The following SUGCT variants were observed in gnomAD, a reference collection of about 807,000 sequenced individuals.
SUGCT encodes succinyl-CoA:glutarate-CoA transferase, also known as succinyl-CoA:glutarate CoA-transferase.
Under a neutral mutation model 55.0 loss-of-function variants are expected in SUGCT, and 41 were observed. The observed-to-expected ratio is 0.74, with a 90% CI of 0.58 to 0.97. SUGCT has a LOEUF of 0.97. SUGCT is among the 50% of genes least tolerant of loss of function. SUGCT has a pLI of 0.00. For synonymous variants in SUGCT, 187 were observed against 200.4 expected (o/e 0.93, Z 0.56); for missense variants, 568 against 547.8 (o/e 1.04, Z -0.37).
At chr7:40,841,925 A>G (rs1311029835) in intron 13 of SUGCT, among the ~76,000 whole-genome samples, 1 of 152,200 alleles carries the variant, frequency 6.6e-6, no homozygotes, top group African/African-American at 2.4e-5. Flanking sequence ...CAGATCCACA[A>G]TGAAACTGTG....
At chr7:40,248,898 A>G (rs1790103446) in intron 7 of SUGCT, among the ~76,000 whole-genome samples, 1 of 125,472 alleles carries the variant, frequency 8.0e-6, no homozygotes, top group South Asian at 2.7e-4. Flanking sequence ...GCACACACAC[A>G]CACACACACA....
At chr7:40,987,639 G>C in the SUGCT span, among the ~76,000 whole-genome samples, 1 of 152,166 alleles carries the variant, frequency 6.6e-6, no homozygotes, top group Non-Finnish European at 1.5e-5. Flanking sequence ...TTTAAGGTTA[G>C]TTATAATTTG....
chr7:40,682,047 T>C (rs1784271116), intron 12 of SUGCT, among the ~76,000 whole-genome samples: 1 of 152,198 alleles, frequency 6.6e-6, no homozygotes, highest in African/African-American at 2.4e-5. Flanking sequence ...GCTGTTGTTT[T>C]AGACTACTAT....
At chr7:40,271,924 A>T (rs1308508550) in intron 7 of SUGCT, among the ~76,000 whole-genome samples, 1 of 151,548 alleles carries the variant, frequency 6.6e-6, no homozygotes, top group African/African-American at 2.4e-5. Flanking sequence ...GAGTCAGAAT[A>T]TGTGATATTT....
At chr7:40,991,904 G>A in the SUGCT span, among the ~76,000 whole-genome samples, 1 of 151,994 alleles carries the variant, frequency 6.6e-6, no homozygotes, top group Admixed American at 6.6e-5. Flanking sequence ...CAAGAACAGT[G>A]GTGAGGGGAA....
chr7:40,887,805 T>G, the SUGCT span, among the ~76,000 whole-genome samples: 5,165 of 152,138 alleles, frequency 0.034, 280 homozygotes, highest in African/African-American at 0.12. Context: ...ATTTTGTGTT[T>G]GGGAGGAGAA....
At chr7:40,602,957 A>G (rs551415805) in intron 12 of SUGCT, among the ~76,000 whole-genome samples, 7 of 152,280 alleles carry the variant, frequency 4.6e-5, no homozygotes, top group Admixed American at 3.9e-4. Flanking sequence ...TCAGAACTGC[A>G]GTAGTGATGG....
At chr7:40,138,618 G>C (rs777665451) in intron 1 of SUGCT, among the ~76,000 whole-genome samples, 1 of 151,906 alleles carries the variant, frequency 6.6e-6, no homozygotes, top group South Asian at 2.1e-4. Flanking sequence ...CACCAACAGT[G>C]TATAAGAAGA....
chr7:40,616,161 C>A (rs534812778), intron 12 of SUGCT, among the ~76,000 whole-genome samples: 14 of 151,872 alleles, frequency 9.2e-5, no homozygotes, highest in Non-Finnish European at 2.1e-4. Flanking sequence ...CTTCTTTATT[C>A]TTTGAAGAAA....
chr7:40,135,101 G>A lies in SUGCT; in HGVS notation c.81G>A (p.Trp27Ter), dbSNP rs1787605592. ...FSGRGGGRGLWTGRPQSDMNN... is the reference protein window; with the variant it reads ...FSGRGGGRGL Reference sequence around the variant, plus strand: ...GCCGGGGCGGCGGGAGGGGGCTGTGGACTGGCCGCCCGCAGTCAGGTACCC... The same window carrying A: ...GCCGGGGCGGCGGGAGGGGGCTGTGAACTGGCCGCCCGCAGTCAGGTACCC... The change falls in exon 1 of 14, where the codon TGG (tryptophan) becomes TGA (stop). Residue 27 changes from tryptophan to a stop codon, truncating the protein, a stop_gained. Coordinates refer to ENST00000335693, the MANE Select transcript of SUGCT (RefSeq NM_001193313.2). LOFTEE classifies it high-confidence loss of function. 6 of 1,557,242 alleles carry A rather than the reference G, an allele frequency of 3.9e-6. No homozygotes were observed. The South Asian group carries it at 5.9e-5, about 15-fold the overall frequency.
At chr7:40,457,973 A>G (rs780835544) in intron 10 of SUGCT, among the ~76,000 whole-genome samples, 2 of 152,136 alleles carry the variant, frequency 1.3e-5, no homozygotes, top group Non-Finnish European at 2.9e-5. Context: ...AGGGTGCTGT[A>G]TGTGGTGTTG....
At chr7:40,234,331 G>C (rs746995168) in intron 6 of SUGCT, among the ~76,000 whole-genome samples, 6 of 152,154 alleles carry the variant, frequency 3.9e-5, no homozygotes, top group Non-Finnish European at 8.8e-5. Context: ...TTTTGTGCTG[G>C]GGACTACCAG....
chr7:40,297,328 CT>C (rs909821785), intron 8 of SUGCT, among the ~76,000 whole-genome samples: 56 of 148,360 alleles, frequency 3.8e-4, no homozygotes, highest in Middle Eastern at 3.4e-3. Context: ...TTTGCTACTA[CT>C]TTTTTTTTTT....
the SUGCT span, among the ~76,000 whole-genome samples, chr7:41,013,542 G>C: frequency 6.6e-6 from 1 of 152,108 alleles, no homozygotes; most frequent in Non-Finnish European, 1.5e-5. Context: ...AGTGGTGTCC[G>C]TGGGTTCGTT....
intron 12 of SUGCT, among the ~76,000 whole-genome samples, chr7:40,517,256 G>T: frequency 1.3e-5 from 2 of 149,250 alleles, no homozygotes; most frequent in African/African-American, 2.5e-5. Flanking sequence ...GAATTCCTTA[G>T]GATTTTTTAA....
the SUGCT span, among the ~76,000 whole-genome samples, chr7:40,904,519 C>T: frequency 3.1e-4 from 47 of 152,154 alleles, no homozygotes; most frequent in East Asian, 1.4e-3. Context: ...GTAGAATGGC[C>T]GTTTCCAGGG....
At chr7:40,963,255 A>G in the SUGCT span, among the ~76,000 whole-genome samples, 49,348 of 151,778 alleles carry the variant, frequency 0.33, 8,841 homozygotes, top group Admixed American at 0.44. Flanking sequence ...GGACTCCCCA[A>G]GTGGAGACTA....
intron 6 of SUGCT, among the ~76,000 whole-genome samples, chr7:40,209,950 C>A (rs1787238690): frequency 6.6e-6 from 1 of 152,148 alleles, no homozygotes; most frequent in African/African-American, 2.4e-5. Context: ...TTACAGCTCT[C>A]CAAGGAAAGC....
chr7:40,468,322 T>C (rs1352008096), intron 11 of SUGCT, among the ~76,000 whole-genome samples: 2 of 152,128 alleles, frequency 1.3e-5, no homozygotes, highest in African/African-American at 2.4e-5. Context: ...TTAAGTAATA[T>C]CTGTAATTTC....
Sources: gnomAD v4.1 joint callset for allele counts (sites outside exome capture counted in the v4.1 genomes callset) on GRCh38, gnomAD v4.1.1 for gene constraint, MANE v1.5 for transcripts, NCBI Gene and HGNC (gene_info 2026-07-23, HGNC 2026-07-21) for gene names.